TRPM7: variants seen among roughly 807,000 people sequenced by gnomAD.
TRPM7 encodes LTRPC ion channel family member 7.
TRPM7 carries 134 observed loss-of-function variants against 229.7 expected under a neutral mutation model. That is an observed-to-expected ratio of 0.58 (90% CI 0.51 to 0.67). TRPM7 has a LOEUF of 0.67. Among genes scored for constraint, TRPM7 ranks in the 30% least tolerant of loss-of-function variants. The probability of loss-of-function intolerance (pLI) is 0.00; values close to 1 mark genes in which losing one functional copy is unlikely to be tolerated. For synonymous variants in TRPM7, 699 were observed against 715.2 expected (o/e 0.98, Z 0.36); for missense variants, 1,901 against 2,210.0 (o/e 0.86, Z 2.80).
chr15:50,559,994 C>A lies in TRPM7; in HGVS notation c.*1684G>T, dbSNP rs1211872311. Reference sequence around the variant, plus strand: ...CACCACTGCACTCCAGCCCAAGCAACAGAGCGAGACTCCGTCTCAAAAAAA... The same window carrying A: ...CACCACTGCACTCCAGCCCAAGCAAAAGAGCGAGACTCCGTCTCAAAAAAA... On this transcript the variant is annotated 3_prime_UTR_variant, in exon 39 of 39. Transcript: ENST00000646667. The A allele has an allele frequency of 2.5e-5, 3 of 118,942 alleles. No individual in the cohort carries two copies. The highest frequency in any genetic ancestry group is 2.7e-4 in the South Asian group (1 of 3,668). The allele number at this position is 118,942 out of a possible 1,614,324, so 7.4% of individuals were successfully genotyped here.
rs761620139 is a variant in TRPM7, at chr15:50,593,674, T to TCATTGAAATACATTTCAACA, written c.3531_3550dup (p.Glu1184ValfsTer45). Reference sequence around the variant, plus strand: ...CCCAGAATGAAATTTGTCATCTTTTTCATTGAAATACATTTCAACACACTG... The same window carrying TCATTGAAATACATTTCAACA: ...CCCAGAATGAAATTTGTCATCTTTTTCATTGAAATACATTTCAACACATTGAAATACATTTCAACACACTG... On this transcript the variant is annotated frameshift_variant, in exon 25 of 39. Coordinates refer to ENST00000646667, the MANE Select transcript of TRPM7 (RefSeq NM_017672.6). LOFTEE classifies it high-confidence loss of function. 6.2e-7 allele frequency: 1 copy of TCATTGAAATACATTTCAACA among 1,612,258 alleles called. No homozygotes were observed. Among genetic ancestry groups the TCATTGAAATACATTTCAACA allele is most frequent in the Non-Finnish European group, 8.5e-7 (1 of 1,179,448 alleles).
At chr15:50,601,711 G>A (rs1043170229) in intron 21 of TRPM7, among the ~76,000 whole-genome samples, 1 of 152,002 alleles carries the variant, frequency 6.6e-6, no homozygotes, top group Non-Finnish European at 1.5e-5. Context: ...GAATGAGTGT[G>A]AGAAGTTTAG....
chr15:50,648,763 T>G lies in TRPM7; in HGVS notation c.245A>C (p.Lys82Thr), dbSNP rs1445974992. Residue 82 changes from lysine (K) to threonine (T), a missense_variant, in exon 4 of 39, where the codon AAG becomes ACG. Lys to Thr is a moderately conservative substitution (Grantham distance 78). Coordinates refer to ENST00000646667, the MANE Select transcript of TRPM7 (RefSeq NM_017672.6). ...NQAIEEWSVE[K>T]HTEQSPTDAY... ...ATCCGTTGGGCTCTGTTCTGTATGC[T>G]TTTCCACAGACCATTCTTCTATTGC... The G allele has an allele frequency of 6.2e-7, 1 of 1,613,524 alleles. No individual in the cohort carries two copies. Among genetic ancestry groups the G allele is most frequent in the African/African-American group, 1.3e-5 (1 of 74,928 alleles).
intron 8 of TRPM7, 48 bp from the exon 9 acceptor site, chr15:50,633,040 G>A: frequency 1.3e-6 from 2 of 1,531,644 alleles, no homozygotes; most frequent in South Asian, 1.3e-5. Flanking sequence ...TCCATTATTT[G>A]TAGGATCAAT....
At position 50,574,299 on chromosome 15, in the gene TRPM7, C is replaced by G; in HGVS notation, c.5283G>C (p.Gly1761=). The G allele has an allele frequency of 6.2e-7, 1 of 1,613,844 alleles. No individual in the cohort carries two copies. The highest frequency in any genetic ancestry group is 1.1e-5 in the South Asian group (1 of 91,054). ...FSHWTYEYTR[G]ELLVLDLQGV... Reference sequence around the variant, plus strand: ...CTTGCAAATCAAGTACCAGTAACTCCCCTCTTGTATATTCGTAAGTCCAGT... The same window carrying G: ...CTTGCAAATCAAGTACCAGTAACTCGCCTCTTGTATATTCGTAAGTCCAGT... Residue 1761 remains glycine, a synonymous_variant, in exon 36 of 39, where the codon GGG becomes GGC. Coordinates refer to ENST00000646667, the MANE Select transcript of TRPM7 (RefSeq NM_017672.6).
chr15:50,675,343 CAA>C (rs902240039), intron 1 of TRPM7, among the ~76,000 whole-genome samples: 3 of 133,274 alleles, frequency 2.3e-5, no homozygotes, highest in African/African-American at 2.7e-5. Context: ...AATTCCATTT[CAA>C]AAAAAAAAAA....
At chr15:50,613,670 T>C (rs2060128594) in intron 15 of TRPM7, 37 bp downstream of exon 15, 1 of 1,461,954 alleles carries the variant, frequency 6.8e-7, no homozygotes, top group African/African-American at 1.4e-5. Context: ...AAGAAGAAAA[T>C]AAAAACCCAG....
intron 12 of TRPM7, among the ~76,000 whole-genome samples, chr15:50,623,814 A>G (rs2060486493): frequency 6.6e-6 from 1 of 152,150 alleles, no homozygotes; most frequent in South Asian, 2.1e-4. Flanking sequence ...AAAAAGAGAA[A>G]AAAGCAATGC....
rs905546544 is a variant in TRPM7 at position 50,561,536 on chromosome 15, G to C, written c.*142C>G. 1.4e-4 allele frequency: 117 copies of C among 833,608 alleles called. No homozygotes were observed. Among genetic ancestry groups the C allele is most frequent in the Non-Finnish European group, 4.9e-5 (27 of 548,992 alleles). 51.6% of individuals were successfully genotyped at this position (833,608 alleles called of 1,614,324 possible). A position where few individuals can be genotyped will look rare whatever the true frequency, so the allele number is the denominator to read the frequency against. Reference sequence around the variant, plus strand: ...TGATTAATCAGGTCAAAAGAATATTGACCTTTTAACTGTGCTGGAGTCAGC... The same window carrying C: ...TGATTAATCAGGTCAAAAGAATATTCACCTTTTAACTGTGCTGGAGTCAGC... On this transcript the variant is annotated 3_prime_UTR_variant, in exon 39 of 39. Coordinates refer to ENST00000646667, the MANE Select transcript of TRPM7 (RefSeq NM_017672.6).
intron 2 of TRPM7, among the ~76,000 whole-genome samples, chr15:50,661,588 C>T (rs2061725859): frequency 6.6e-6 from 1 of 152,008 alleles, no homozygotes; most frequent in African/African-American, 2.4e-5. Flanking sequence ...TTTGGAAATG[C>T]TATTCAACAA....
At chr15:50,614,028 G>T in intron 14 of TRPM7, 95 bp downstream of exon 14, 1 of 1,377,486 alleles carries the variant, frequency 7.3e-7, no homozygotes, top group Non-Finnish European at 9.9e-7. Flanking sequence ...TTATGACAGT[G>T]TAACCTTCTC....
intron 38 of TRPM7, among the ~76,000 whole-genome samples, chr15:50,566,684 G>C (rs1157700025): frequency 1.3e-5 from 2 of 151,962 alleles, no homozygotes; most frequent in Non-Finnish European, 1.5e-5. Flanking sequence ...GACAGAGTGA[G>C]ACTCCATCTC....
rs181483828 is a variant in TRPM7 at position 50,606,630 on chromosome 15, C to G, written c.2709+570G>C. Among the ~76,000 whole-genome samples, 648 of 152,038 alleles carry G rather than the reference C, an allele frequency of 4.3e-3. 4 individuals are homozygous for G. Among genetic ancestry groups the G allele is most frequent in the African/African-American group, 0.015 (627 of 41,478 alleles). ...TCTCCTGCCTCAGTCTTCCAAGTAG[C>G]TGGGATTACAGGTGGCCGCCACCAT... On this transcript the variant is annotated intron_variant, in intron 20 of 38. Coordinates refer to ENST00000646667, the MANE Select transcript of TRPM7 (RefSeq NM_017672.6).
intron 1 of TRPM7, among the ~76,000 whole-genome samples, chr15:50,682,713 C>A (rs1456693167): frequency 1.3e-5 from 2 of 152,126 alleles, no homozygotes; most frequent in Non-Finnish European, 2.9e-5. Flanking sequence ...AGGTCCAATT[C>A]TCCAAGTCAA....
chr15:50,597,569 A>G (rs1393693805), intron 22 of TRPM7, among the ~76,000 whole-genome samples: 2 of 152,226 alleles, frequency 1.3e-5, no homozygotes, highest in Non-Finnish European at 2.9e-5. Flanking sequence ...CTAAAAAACT[A>G]TACTCAATGC....
chr15:50,581,364 T>C (rs1266159898), intron 29 of TRPM7, among the ~76,000 whole-genome samples: 3 of 151,946 alleles, frequency 2.0e-5, no homozygotes, highest in Admixed American at 6.6e-5. Flanking sequence ...CTGGGCGTGG[T>C]GGCGGGCGCC....
chr15:50,613,656 T>G (rs2060128113), intron 15 of TRPM7, 51 bp downstream of exon 15: 8 of 1,432,138 alleles, frequency 5.6e-6, no homozygotes, highest in Non-Finnish European at 7.3e-6. Context: ...CTAAGTAATT[T>G]AGAAAGAAGA....
chr15:50,647,189 G>A lies in TRPM7; in HGVS notation c.321+1498C>T, dbSNP rs1216589567. Among the ~76,000 whole-genome samples the A allele has an allele frequency of 1.1e-4, 16 of 152,204 alleles. No individual in the cohort carries two copies. The East Asian group carries it at 3.1e-3, about 29-fold the overall frequency. On this transcript the variant is annotated intron_variant, in intron 4 of 38. Coordinates refer to ENST00000646667, the MANE Select transcript of TRPM7 (RefSeq NM_017672.6). ...TCTGTCACCCAGGCTGGAGTGCAGT[G>A]GCGCGATCTCGGTTCACTGCAACCT...
At chr15:50,583,580 G>GTTCT (rs796104345) in intron 28 of TRPM7, among the ~76,000 whole-genome samples, 10 of 136,844 alleles carry the variant, frequency 7.3e-5, no homozygotes, top group Middle Eastern at 3.6e-3. Context: ...TTAGAGTTTT[G>GTTCT]TTTTTTTTTT....
Sources: gnomAD v4.1 joint callset for allele counts (sites outside exome capture counted in the v4.1 genomes callset) on GRCh38, gnomAD v4.1.1 for gene constraint, MANE v1.5 for transcripts, NCBI Gene and HGNC (gene_info 2026-07-23, HGNC 2026-07-21) for gene names.